CTNNA3: variants seen among roughly 807,000 people sequenced by gnomAD.
The protein encoded by CTNNA3 is catenin alpha-3.
A neutral mutation model predicts 95.7 loss-of-function variants in CTNNA3; 76 were observed. That is an observed-to-expected ratio of 0.79 (90% CI 0.66 to 0.96). The LOEUF is 0.96. CTNNA3 is among the 40% of genes least tolerant of loss of function. The pLI is 0.00. For missense variants in CTNNA3, 1,191 were observed against 1,089.8 expected, an observed-to-expected ratio of 1.09 and a Z score of -1.31; for synonymous variants, 431 against 374.4, an observed-to-expected ratio of 1.15 and a Z score of -1.74.
In CTNNA3 at chr10:66,770,503, A is replaced by C. The variant is rs140444684; in HGVS notation, c.1129-4087T>G. Among the ~76,000 whole-genome samples, 282 of 152,328 alleles carry C rather than the reference A, an allele frequency of 1.9e-3. 1 individual carries two copies. The highest frequency in any genetic ancestry group is 6.6e-3 in the African/African-American group (276 of 41,562). ...AATACCTGTTTGTGGCCAGGCATGA[A>C]AGATGTTAGAACAAAACCAAACTGA... On this transcript the variant is annotated intron_variant, in intron 8 of 17. Coordinates refer to ENST00000433211, the MANE Select transcript of CTNNA3 (RefSeq NM_013266.4).
At position 66,089,865 on chromosome 10, in the gene CTNNA3, A is replaced by G. The variant is rs115801701; in HGVS notation, c.1977+13292T>C. 6.5e-3 allele frequency among the ~76,000 whole-genome samples: 992 copies of G among 151,954 alleles called. 7 individuals are homozygous for G. Among genetic ancestry groups the G allele is most frequent in the African/African-American group, 0.022 (932 of 41,494 alleles). On this transcript the variant is annotated intron_variant, in intron 14 of 17. Coordinates refer to ENST00000433211, the MANE Select transcript of CTNNA3 (RefSeq NM_013266.4). ...GACCCAGGCACTCTTGGTGCTTCTTACAAAAACAATAGCAAACAAAACCAA... is the reference window on the plus strand; with the variant it reads ...GACCCAGGCACTCTTGGTGCTTCTTGCAAAAACAATAGCAAACAAAACCAA...
chr10:67,327,902 G>A (rs1471707643), intron 5 of CTNNA3, among the ~76,000 whole-genome samples: 8 of 152,160 alleles, frequency 5.3e-5, no homozygotes, highest in Non-Finnish European at 1.2e-4. Flanking sequence ...ATGGGTGCAG[G>A]TCTGGGTGTA....
intron 9 of CTNNA3, among the ~76,000 whole-genome samples, chr10:66,693,800 A>G (rs184772735): frequency 0.18 from 27,013 of 151,992 alleles, 3,033 homozygotes; most frequent in East Asian, 0.33. Context: ...ACTCAGGATT[A>G]AGAAACTCAC....
At chr10:66,776,153 T>C (rs1200050190) in intron 7 of CTNNA3, among the ~76,000 whole-genome samples, 1 of 152,206 alleles carries the variant, frequency 6.6e-6, no homozygotes, top group Non-Finnish European at 1.5e-5. Flanking sequence ...CCTAAATCTT[T>C]AGGCTATTAA....
chr10:66,138,109 A>T (rs1441878567), intron 13 of CTNNA3, among the ~76,000 whole-genome samples: 1 of 152,180 alleles, frequency 6.6e-6, no homozygotes, highest in African/African-American at 2.4e-5. Flanking sequence ...GCAGTCTTTG[A>T]AAAGTATATG....
At chr10:67,250,303 C>T (rs535397852) in intron 5 of CTNNA3, among the ~76,000 whole-genome samples, 2 of 151,994 alleles carry the variant, frequency 1.3e-5, no homozygotes, top group African/African-American at 2.4e-5. Flanking sequence ...GCCACCTCCA[C>T]CTCCCAGGTT....
intron 13 of CTNNA3, among the ~76,000 whole-genome samples, chr10:66,218,651 A>G (rs1046965757): frequency 3.3e-5 from 5 of 152,192 alleles, no homozygotes; most frequent in Non-Finnish European, 5.9e-5. Context: ...TTCCTTAAGA[A>G]GCTAAGTTTT....
At chr10:65,977,928 G>A (rs1483283646) in intron 16 of CTNNA3, among the ~76,000 whole-genome samples, 1 of 152,056 alleles carries the variant, frequency 6.6e-6, no homozygotes, top group Non-Finnish European at 1.5e-5. Flanking sequence ...AATTTAAAGC[G>A]ATCAGTGGTA....
chr10:67,511,925 A>T (rs1839647954), intron 5 of CTNNA3, among the ~76,000 whole-genome samples: 1 of 152,076 alleles, frequency 6.6e-6, no homozygotes, highest in Non-Finnish European at 1.5e-5. Context: ...TAGTCTTGGG[A>T]GGGTGTATGT....
chr10:66,723,048 C>A (rs1057376656), intron 9 of CTNNA3, among the ~76,000 whole-genome samples: 1 of 151,972 alleles, frequency 6.6e-6, no homozygotes, highest in Admixed American at 6.5e-5. Flanking sequence ...ATCATTCTAG[C>A]TTCTTAGCCA....
chr10:65,951,183 T>C (rs911362670), intron 17 of CTNNA3, among the ~76,000 whole-genome samples: 2 of 152,148 alleles, frequency 1.3e-5, no homozygotes, highest in African/African-American at 4.8e-5. Flanking sequence ...TCAATCAAAA[T>C]GAAACAAAAC....
chr10:66,683,872 A>C (rs1847153505), intron 9 of CTNNA3, among the ~76,000 whole-genome samples: 1 of 152,200 alleles, frequency 6.6e-6, no homozygotes, highest in African/African-American at 2.4e-5. Context: ...AAAAGGCCAC[A>C]ATAATCAGAC....
At chr10:67,203,619 T>G (rs1863746812) in intron 6 of CTNNA3, among the ~76,000 whole-genome samples, 1 of 152,148 alleles carries the variant, frequency 6.6e-6, no homozygotes, top group Admixed American at 6.5e-5. Context: ...TTCCAACTCC[T>G]TTACATTGGG....
At chr10:66,491,594 T>C (rs773088879) in intron 11 of CTNNA3, among the ~76,000 whole-genome samples, 2 of 152,164 alleles carry the variant, frequency 1.3e-5, no homozygotes, top group Admixed American at 6.5e-5. Context: ...ATGAAGTCCT[T>C]TTTATTTCAG....
chr10:66,880,997 G>A (rs1040579842), intron 7 of CTNNA3, among the ~76,000 whole-genome samples: 9 of 152,016 alleles, frequency 5.9e-5, no homozygotes, highest in Admixed American at 3.3e-4. Context: ...GGAGAATGTT[G>A]AATTAAGCAA....
intron 13 of CTNNA3, among the ~76,000 whole-genome samples, chr10:66,174,570 G>T (rs924533563): frequency 6.6e-6 from 1 of 151,882 alleles, no homozygotes; most frequent in African/African-American, 2.4e-5. Context: ...AACTATGTGG[G>T]TCCACTTATA....
At chr10:66,246,189 G>A (rs560238624) in intron 13 of CTNNA3, among the ~76,000 whole-genome samples, 181 of 152,344 alleles carry the variant, frequency 1.2e-3, no homozygotes, top group African/African-American at 4.0e-3. Flanking sequence ...CACACTGAGA[G>A]CAGGGAAAAG....
chr10:67,630,661 A>G (rs1289983550), intron 2 of CTNNA3, among the ~76,000 whole-genome samples: 1 of 152,176 alleles, frequency 6.6e-6, no homozygotes, highest in Non-Finnish European at 1.5e-5. Flanking sequence ...GGTAGAAATG[A>G]AAAAAAGGCC....
intron 7 of CTNNA3, among the ~76,000 whole-genome samples, chr10:67,078,393 G>T (rs914425801): frequency 6.6e-6 from 1 of 152,072 alleles, no homozygotes; most frequent in African/African-American, 2.4e-5. Flanking sequence ...AAATGAGAAA[G>T]AAAATGATCA....
Sources: gnomAD v4.1 joint callset for allele counts (sites outside exome capture counted in the v4.1 genomes callset) on GRCh38, gnomAD v4.1.1 for gene constraint, MANE v1.5 for transcripts, NCBI Gene and HGNC (gene_info 2026-07-23, HGNC 2026-07-21) for gene names.